HFM1: variants seen among roughly 807,000 people sequenced by gnomAD.
HFM1 encodes the protein helicase for meiosis 1.
Under a neutral mutation model 192.1 loss-of-function variants are expected in HFM1, and 169 were observed. That is an observed-to-expected ratio of 0.88 (90% CI 0.78 to 1.00). The LOEUF (loss-of-function observed/expected upper bound fraction) is 1.00, where lower values mean the gene tolerates loss of function less well. HFM1 is among the 50% of genes least tolerant of loss of function. The pLI, the probability that HFM1 is intolerant of heterozygous loss-of-function variation, is 0.00. For missense variants in HFM1, 1,661 were observed against 1,668.0 expected (o/e 1.00, Z 0.07); for synonymous variants, 525 against 537.8 (o/e 0.98, Z 0.33).
intron 30 of HFM1, among the ~76,000 whole-genome samples, chr1:91,291,906 A>G (rs1668808564): frequency 1.3e-5 from 2 of 152,222 alleles, no homozygotes; most frequent in African/African-American, 2.4e-5. Context: ...ATATACGCAA[A>G]TCAATAAATG....
At chr1:91,334,714 A>G (rs1440402354) in intron 20 of HFM1, among the ~76,000 whole-genome samples, 1 of 152,058 alleles carries the variant, frequency 6.6e-6, no homozygotes, top group East Asian at 1.9e-4. Flanking sequence ...GTGGATCATG[A>G]GGTCAGGAGT....
chr1:91,291,366 G>A lies in HFM1; in HGVS notation c.3392-14304C>T, dbSNP rs915464116. On this transcript the variant is annotated intron_variant, in intron 30 of 38. Transcript: ENST00000370425. Reference sequence around the variant, plus strand: ...TAGACACAATAAAAAATGATAAAGGGGATATCACCACCGATCCCACAGAAA... The same window carrying A: ...TAGACACAATAAAAAATGATAAAGGAGATATCACCACCGATCCCACAGAAA... Among the ~76,000 whole-genome samples the A allele has an allele frequency of 9.2e-5, 14 of 151,902 alleles. 1 individual carries two copies. The highest frequency in any genetic ancestry group is 6.8e-3 in the Middle Eastern group (2 of 292).
intron 30 of HFM1, among the ~76,000 whole-genome samples, chr1:91,288,945 G>A (rs907757268): frequency 1.3e-5 from 2 of 151,686 alleles, no homozygotes; most frequent in African/African-American, 4.8e-5. Context: ...CTTCCCAGAC[G>A]GGCCGGCCGG....
chr1:91,277,588 A>ATATACTATATAC (rs1296277690), intron 30 of HFM1, among the ~76,000 whole-genome samples: 2,367 of 51,786 alleles, frequency 0.046, 492 homozygotes, highest in African/African-American at 0.072. Flanking sequence ...TACTTTATAT[A>ATATACTATATAC]TAATATATAT....
chr1:91,300,160 A>G (rs1401031203), intron 30 of HFM1, among the ~76,000 whole-genome samples: 1 of 152,182 alleles, frequency 6.6e-6, no homozygotes, highest in Non-Finnish European at 1.5e-5. Flanking sequence ...AAACACCTCT[A>G]TGCAAATAAA....
chr1:91,289,901 T>C (rs576366356), intron 30 of HFM1, among the ~76,000 whole-genome samples: 31 of 151,560 alleles, frequency 2.0e-4, no homozygotes, highest in Non-Finnish European at 4.1e-4. Flanking sequence ...GGGTCAACAT[T>C]CTTAAAGAAA....
At chr1:91,309,885 C>T (rs577478536) in intron 30 of HFM1, among the ~76,000 whole-genome samples, 15 of 151,842 alleles carry the variant, frequency 9.9e-5, no homozygotes, top group South Asian at 4.2e-4. Flanking sequence ...TCAATGGCAA[C>T]GAGCTCCTCT....
intron 13 of HFM1, among the ~76,000 whole-genome samples, chr1:91,363,872 C>T (rs1658873143): frequency 6.6e-6 from 1 of 152,146 alleles, no homozygotes; most frequent in Non-Finnish European, 1.5e-5. Context: ...GGAATGATAT[C>T]ATGTCCTTTG....
chr1:91,265,505 G>C (rs1271328499), intron 36 of HFM1, among the ~76,000 whole-genome samples: 1 of 1,696 alleles, frequency 5.9e-4, no homozygotes, highest in Non-Finnish European at 1.2e-3. Flanking sequence ...AAGGTATTTG[G>C]GTTTGCGACC....
intron 1 of HFM1, among the ~76,000 whole-genome samples, chr1:91,401,311 C>G (rs1664285495): frequency 1.3e-5 from 2 of 152,194 alleles, no homozygotes. Context: ...TGGATTCACA[C>G]TTGCTCCCTT....
intron 18 of HFM1, 114 bp from the exon 19 acceptor site, chr1:91,347,590 C>A: frequency 7.8e-6 from 4 of 515,846 alleles, no homozygotes; most frequent in Non-Finnish European, 3.4e-6. Flanking sequence ...AAAAAAAAAT[C>A]TCAGCTGATT....
intron 19 of HFM1, 131 bp from the exon 20 acceptor site, chr1:91,343,641 A>G (rs1571026564): frequency 2.5e-6 from 1 of 398,640 alleles, no homozygotes; most frequent in Non-Finnish European, 4.6e-6. Flanking sequence ...GTCCCTACTT[A>G]AGCAGTAAGA....
rs577158315 is a variant in HFM1 at position 91,385,806 on chromosome 1, C to G, written c.523G>C (p.Gly175Arg). 6.2e-7 allele frequency: 1 copy of G among 1,606,266 alleles called. No individual in the cohort carries two copies. Among genetic ancestry groups the G allele is most frequent in the East Asian group, 2.2e-5 (1 of 44,780 alleles). Reference protein sequence around the residue: ...RLFKISDNIHGSAYSNDNELD... With the variant: ...RLFKISDNIHRSAYSNDNELD... Reference sequence around the variant, plus strand: ...TCATTGTCATTAGAATAAGCACTCCCATGTATATTGTCAGATATTTTAAAT... The same window carrying G: ...TCATTGTCATTAGAATAAGCACTCCGATGTATATTGTCAGATATTTTAAAT... The change falls in exon 5 of 39, where the codon GGG becomes CGG. Residue 175 changes from glycine (G) to arginine (R), a missense_variant. Physicochemically the swap from Gly to Arg is moderately radical, Grantham distance 125. Coordinates refer to ENST00000370425, the MANE Select transcript of HFM1 (RefSeq NM_001017975.6).
At chr1:91,269,725 T>C (rs777417080) in intron 34 of HFM1, among the ~76,000 whole-genome samples, 1 of 152,184 alleles carries the variant, frequency 6.6e-6, no homozygotes, top group Non-Finnish European at 1.5e-5. Flanking sequence ...GACAGACTCC[T>C]GAGGTGATAA....
intron 18 of HFM1, among the ~76,000 whole-genome samples, chr1:91,349,262 T>C (rs1656602177): frequency 6.8e-6 from 1 of 147,256 alleles, no homozygotes; most frequent in Admixed American, 6.9e-5. Context: ...CACTCCAGTC[T>C]GGGCAATCAA....
At position 91,376,212 on chromosome 1, in the gene HFM1, T is replaced by C. The variant is rs138029538; in HGVS notation, c.1396-485A>G. On this transcript the variant is annotated intron_variant, in intron 11 of 38. Coordinates refer to ENST00000370425, the MANE Select transcript of HFM1 (RefSeq NM_001017975.6). Reference sequence around the variant, plus strand: ...ACAACAAACACTTGAGAGATGCCAGTGCCAAAAGCAAACTTCAGACTCAAG... The same window carrying C: ...ACAACAAACACTTGAGAGATGCCAGCGCCAAAAGCAAACTTCAGACTCAAG... 2.7e-3 allele frequency among the ~76,000 whole-genome samples: 412 copies of C among 152,110 alleles called. 1 individual carries two copies. The highest frequency in any genetic ancestry group is 9.1e-3 in the African/African-American group (378 of 41,546).
intron 20 of HFM1, among the ~76,000 whole-genome samples, chr1:91,327,828 T>C (rs993460810): frequency 6.6e-6 from 1 of 152,246 alleles, no homozygotes; most frequent in Middle Eastern, 3.4e-3. Context: ...TTGGAAACTA[T>C]ACAAATACAT....
chr1:91,284,717 A>G (rs1405356506), intron 30 of HFM1, among the ~76,000 whole-genome samples: 1 of 152,172 alleles, frequency 6.6e-6, no homozygotes, highest in Admixed American at 6.5e-5. Flanking sequence ...AGGCCTGAAA[A>G]TTTTTTAATT....
At chr1:91,384,202 C>T (rs757392131) in intron 6 of HFM1, among the ~76,000 whole-genome samples, 1 of 152,128 alleles carries the variant, frequency 6.6e-6, no homozygotes, top group Non-Finnish European at 1.5e-5. Context: ...CCTTACTTTA[C>T]CTGCCTTACT....
Sources: gnomAD v4.1 joint callset for allele counts (sites outside exome capture counted in the v4.1 genomes callset) on GRCh38, gnomAD v4.1.1 for gene constraint, MANE v1.5 for transcripts, NCBI Gene and HGNC (gene_info 2026-07-23, HGNC 2026-07-21) for gene names.